The following AEBP2 variants were observed in gnomAD, a reference collection of about 807,000 sequenced individuals.
AEBP2 encodes the protein zinc finger protein AEBP2.
A neutral mutation model predicts 50.8 loss-of-function variants in AEBP2; 10 were observed. The observed-to-expected ratio is 0.20, with a 90% CI of 0.12 to 0.33. The LOEUF (loss-of-function observed/expected upper bound fraction) is 0.33. Ranked by LOEUF, AEBP2 falls within the 10% of genes least tolerant of loss-of-function variation. The pLI, the probability that AEBP2 is intolerant of heterozygous loss-of-function variation, is 1.00. For synonymous variants in AEBP2, 296 were observed against 261.3 expected (o/e 1.13, Z -1.28); for missense variants, 570 against 688.0 (o/e 0.83, Z 1.92).
chr12:19,489,833 TTAATG>T (rs1209530238), intron 3 of AEBP2, among the ~76,000 whole-genome samples: 4 of 151,856 alleles, frequency 2.6e-5, no homozygotes, highest in Non-Finnish European at 5.9e-5. Context: ...ATATTTTTCT[TTAATG>T]TAAGCACTCT....
chr12:19,469,420 C>T (rs906828303), intron 2 of AEBP2, among the ~76,000 whole-genome samples: 1 of 152,114 alleles, frequency 6.6e-6, no homozygotes, highest in Non-Finnish European at 1.5e-5. Context: ...ACCACGTGTG[C>T]TCAGAGTATT....
At chr12:19,474,016 A>G (rs1948612490) in intron 3 of AEBP2, among the ~76,000 whole-genome samples, 1 of 152,126 alleles carries the variant, frequency 6.6e-6, no homozygotes, top group African/African-American at 2.4e-5. Context: ...CGGCATTTTC[A>G]TTAGCAAACA....
chr12:19,466,335 G>A (rs947512939), intron 2 of AEBP2, among the ~76,000 whole-genome samples: 7 of 152,030 alleles, frequency 4.6e-5, no homozygotes, highest in African/African-American at 1.4e-4. Flanking sequence ...ACACGCCTGT[G>A]GTCTTAGCCA....
chr12:19,483,547 G>A (rs966374974), intron 3 of AEBP2, among the ~76,000 whole-genome samples: 3 of 152,134 alleles, frequency 2.0e-5, no homozygotes, highest in Admixed American at 6.5e-5. Flanking sequence ...TTCACGGTGC[G>A]AGTCTCCACA....
intron 3 of AEBP2, among the ~76,000 whole-genome samples, chr12:19,478,506 T>C (rs970299282): frequency 1.3e-5 from 2 of 152,182 alleles, no homozygotes; most frequent in African/African-American, 2.4e-5. Flanking sequence ...CCCAGGCTGG[T>C]CTCAAACTCC....
At chr12:19,404,633 G>GTT (rs1347965774) in intron 1 of AEBP2, among the ~76,000 whole-genome samples, 1 of 152,160 alleles carries the variant, frequency 6.6e-6, no homozygotes, top group Non-Finnish European at 1.5e-5. Context: ...AGGTTTCAAA[G>GTT]ATTTTCTGAT....
intron 1 of AEBP2, among the ~76,000 whole-genome samples, chr12:19,431,620 G>A (rs2095751480): frequency 6.6e-6 from 1 of 152,086 alleles, no homozygotes; most frequent in Non-Finnish European, 1.5e-5. Context: ...AAGCAGTTAA[G>A]TTTCAAAATG....
At chr12:19,456,462 G>A in intron 1 of AEBP2, 1 of 1,454,170 alleles carries the variant, frequency 6.9e-7, no homozygotes, top group Non-Finnish European at 9.6e-7. Flanking sequence ...CAAGAAGTTA[G>A]GGCCATCTTC....
In AEBP2 at chr12:19,440,242, C is replaced by T. The variant is rs1457805743; in HGVS notation, c.543C>T (p.Val181=). The change falls in exon 1 of 8, where the codon GTC becomes GTT. Residue 181 remains valine, a synonymous_variant. Coordinates refer to ENST00000266508, the MANE Select transcript of AEBP2 (RefSeq NM_153207.5). ...GGGGSSSSSV[V]SSGGDEGYGT... ...GCGGCAGCAGTAGCAGCAGCGTAGTCTCCAGCGGCGGCGACGAGGGCTACG... is the reference window on the plus strand; with the variant it reads ...GCGGCAGCAGTAGCAGCAGCGTAGTTTCCAGCGGCGGCGACGAGGGCTACG... 1 of 1,470,184 alleles carries T rather than the reference C, an allele frequency of 6.8e-7. No homozygotes were observed. Among genetic ancestry groups the T allele is most frequent in the South Asian group, 1.4e-5 (1 of 72,440 alleles). The allele number at this position is 1,470,184 out of a possible 1,614,324, so 91.1% of individuals were successfully genotyped here. A position where few individuals can be genotyped will look rare whatever the true frequency, so the allele number is the denominator to read the frequency against.
Position 19,416,682 on chromosome 12 carries a change from G to A in AEBP2, c.-17+12466G>A, listed in dbSNP as rs562096014. Among the ~76,000 whole-genome samples the A allele has an allele frequency of 2.7e-3, 406 of 149,994 alleles. 2 individuals carry two copies. The highest frequency in any genetic ancestry group is 8.5e-3 in the South Asian group (40 of 4,714). On this transcript the variant is annotated intron_variant, in intron 1 of 3. Coordinates refer to the AEBP2 transcript ENST00000538425. ...TCTGTCGCTTGGGCTGGAGTGCAGT[G>A]GCGTGATCTCAACTCACTGCAGCCT...
intron 3 of AEBP2, among the ~76,000 whole-genome samples, chr12:19,479,023 A>G (rs1592752521): frequency 6.6e-6 from 1 of 152,130 alleles, no homozygotes; most frequent in East Asian, 1.9e-4. Flanking sequence ...AGCCTGGGCA[A>G]CATGGCAAAA....
At chr12:19,450,756 C>T (rs752651205) in intron 1 of AEBP2, among the ~76,000 whole-genome samples, 8 of 148,938 alleles carry the variant, frequency 5.4e-5, no homozygotes, top group Non-Finnish European at 8.9e-5. Context: ...ACGGGAAGAT[C>T]GTTTGAATCT....
intron 1 of AEBP2, among the ~76,000 whole-genome samples, chr12:19,431,202 G>A (rs1489843025): frequency 6.6e-6 from 1 of 152,154 alleles, no homozygotes; most frequent in Non-Finnish European, 1.5e-5. Flanking sequence ...AGGGCTGGTT[G>A]CTTTATTTTG....
At position 19,518,218 on chromosome 12, in the gene AEBP2, CTTTTTTTTT is replaced by C. The variant is rs34795094; in HGVS notation, c.*113_*121del. 3.5e-6 allele frequency: 4 copies of C among 1,132,176 alleles called. No homozygotes were observed. Among genetic ancestry groups the C allele is most frequent in the South Asian group, 2.6e-5 (1 of 37,846 alleles). 70.1% of individuals were successfully genotyped at this position (1,132,176 alleles called of 1,614,324 possible). A position where few individuals can be genotyped will look rare whatever the true frequency, so the allele number is the denominator to read the frequency against. On this transcript the variant is annotated 3_prime_UTR_variant, in exon 8 of 8. Coordinates refer to ENST00000266508, the MANE Select transcript of AEBP2 (RefSeq NM_153207.5). ...AGTTGCACATTAGAGTCAACCCCTTCTTTTTTTTTTTTTTTTTTTTAAATCCAGTATTTA... is the reference window on the plus strand; with the variant it reads ...AGTTGCACATTAGAGTCAACCCCTTCTTTTTTTTTTTAAATCCAGTATTTA...
At chr12:19,489,134 A>G (rs1948859156) in intron 3 of AEBP2, among the ~76,000 whole-genome samples, 1 of 152,198 alleles carries the variant, frequency 6.6e-6, no homozygotes, top group African/African-American at 2.4e-5. Context: ...ACCACATTTA[A>G]AACAGTCAAT....
At chr12:19,407,260 C>T (rs888670003) in intron 1 of AEBP2, among the ~76,000 whole-genome samples, 8 of 152,014 alleles carry the variant, frequency 5.3e-5, no homozygotes, top group Non-Finnish European at 1.0e-4. Context: ...CTATTGGTAC[C>T]GCTGCACTTC....
chr12:19,499,332 G>C (rs61912789), intron 4 of AEBP2, among the ~76,000 whole-genome samples: 1 of 152,060 alleles, frequency 6.6e-6, no homozygotes, highest in East Asian at 1.9e-4. Flanking sequence ...CTCAAAATAG[G>C]CTGGGAGCAG....
intron 5 of AEBP2, chr12:19,509,139 G>T: frequency 2.1e-6 from 1 of 487,040 alleles, no homozygotes; most frequent in Admixed American, 2.5e-5. Context: ...AGGGCCTGTG[G>T]TGGTTCCATG....
intron 1 of AEBP2, among the ~76,000 whole-genome samples, chr12:19,405,813 T>C (rs1359236777): frequency 1.1e-4 from 16 of 151,960 alleles, no homozygotes; most frequent in Admixed American, 9.8e-4. Context: ...ATTGATACTT[T>C]ATCTTTTTTT....
Sources: gnomAD v4.1 joint callset for allele counts (sites outside exome capture counted in the v4.1 genomes callset) on GRCh38, gnomAD v4.1.1 for gene constraint, MANE v1.5 for transcripts, NCBI Gene and HGNC (gene_info 2026-07-23, HGNC 2026-07-21) for gene names.